The following ZP3 variants were observed in gnomAD, a reference collection of about 807,000 sequenced individuals.
The protein encoded by ZP3 is zona pellucida sperm-binding protein 3.
In ZP3, 21 loss-of-function variants were observed where a neutral mutation model predicts 35.6. The ratio of observed to expected loss-of-function variants is 0.59; its 90% CI spans 0.42 to 0.85. The LOEUF is 0.85. Ranked by LOEUF, ZP3 falls within the 40% of genes least tolerant of loss-of-function variation. ZP3 has a pLI of 0.00. For missense variants in ZP3, 437 were observed against 536.5 expected (o/e 0.81, Z 1.83); for synonymous variants, 207 against 214.5 (o/e 0.96, Z 0.31).
chr7:76,415,359 C>T (rs191321830), intron 1 of ZP3, among the ~76,000 whole-genome samples: 1,638 of 28,584 alleles, frequency 0.057, 31 homozygotes, highest in Non-Finnish European at 0.061. Context: ...AGTGAGACTC[C>T]GTCTCAAAAA....
intron 1 of ZP3, among the ~76,000 whole-genome samples, chr7:76,425,572 C>T (rs9640578): frequency 6.6e-4 from 100 of 151,868 alleles, no homozygotes; most frequent in African/African-American, 2.1e-3. Flanking sequence ...CACAGGCCTG[C>T]GTGATAGGAT....
At chr7:76,434,466 T>C (rs1805932310) in intron 5 of ZP3, among the ~76,000 whole-genome samples, 1 of 150,204 alleles carries the variant, frequency 6.7e-6, no homozygotes, top group African/African-American at 2.4e-5. Context: ...AAACCCCGAC[T>C]CTACTAAATA....
At chr7:76,411,013 A>AAAAAAAAG (rs1554623386) in intron 1 of ZP3, among the ~76,000 whole-genome samples, 82 of 131,134 alleles carry the variant, frequency 6.3e-4, no homozygotes, top group African/African-American at 2.1e-3. Flanking sequence ...AAAAAAAAAA[A>AAAAAAAAG]AAAAGAAAAG....
chr7:76,437,820 C>T (rs1312059414), intron 5 of ZP3, among the ~76,000 whole-genome samples: 37 of 152,076 alleles, frequency 2.4e-4, no homozygotes, highest in Non-Finnish European at 4.1e-4. Flanking sequence ...TCTAAAAGGC[C>T]GCTATAGGGG....
Position 76,402,326 on chromosome 7 carries a change from C to T in ZP3, c.-67+4529C>T, listed in dbSNP as rs539701513. On this transcript the variant is annotated intron_variant, in intron 1 of 8. Coordinates refer to the ZP3 transcript ENST00000336517. ...TCCCGAGTAATTGGGACTGCAGGCG[C>T]ACACCGCCACACCCAGCTAATTTTT... 1.0e-3 allele frequency among the ~76,000 whole-genome samples: 153 copies of T among 151,590 alleles called. 1 individual carries two copies. The highest frequency in any genetic ancestry group is 3.6e-3 in the African/African-American group (150 of 41,344).
At position 76,427,330 on chromosome 7, in the gene ZP3, G is replaced by A. The variant is rs140868396; in HGVS notation, c.312+2054G>A. Among the ~76,000 whole-genome samples the A allele has an allele frequency of 4.3e-3, 657 of 152,014 alleles. 7 individuals carry two copies. Among genetic ancestry groups the A allele is most frequent in the African/African-American group, 0.015 (624 of 41,476 alleles). ...AGGAGTTCAAGACCAGCCTGGCCAC[G>A]ATGGTGAAACCTCATCTCTACTAAA... On this transcript the variant is annotated intron_variant, in intron 1 of 7. Coordinates refer to ENST00000394857, the MANE Select transcript of ZP3 (RefSeq NM_001110354.2).
chr7:76,431,767 C>T (rs903018415), intron 2 of ZP3, among the ~76,000 whole-genome samples: 4 of 151,956 alleles, frequency 2.6e-5, no homozygotes, highest in East Asian at 1.9e-4. Context: ...GGCCTAGTGG[C>T]GGGTGCCTGT....
intron 1 of ZP3, among the ~76,000 whole-genome samples, chr7:76,414,414 G>A (rs1000895507): frequency 6.6e-6 from 1 of 152,154 alleles, no homozygotes; most frequent in Non-Finnish European, 1.5e-5. Context: ...AGCTGCAGGT[G>A]CCTAGGCGGT....
chr7:76,409,364 TGCACAC>T (rs1805169482), intron 1 of ZP3: 1 of 143,672 alleles, frequency 7.0e-6, no homozygotes, highest in Non-Finnish European at 1.5e-5. Flanking sequence ...CACACATGCA[TGCACAC>T]GCACACACAC....
At chr7:76,430,437 T>G (rs1044004331) in intron 2 of ZP3, among the ~76,000 whole-genome samples, 1 of 151,132 alleles carries the variant, frequency 6.6e-6, no homozygotes, top group South Asian at 2.1e-4. Flanking sequence ...AGTCTGGGAG[T>G]GGGTATAAGA....
intron 1 of ZP3, among the ~76,000 whole-genome samples, chr7:76,417,983 G>A (rs1474371677): frequency 6.7e-6 from 1 of 149,442 alleles, no homozygotes. Context: ...TGTTGCCCAG[G>A]CTGGAGTACA....
intron 1 of ZP3, among the ~76,000 whole-genome samples, chr7:76,427,949 C>T (rs1157359713): frequency 6.6e-6 from 1 of 152,034 alleles, no homozygotes; most frequent in Non-Finnish European, 1.5e-5. Flanking sequence ...GCTGGGATTA[C>T]AGGCATGAGC....
At position 76,425,255 on chromosome 7, in the gene ZP3, C is replaced by T. The variant is rs142370942; in HGVS notation, c.291C>T (p.His97=). The change falls in exon 1 of 8, where the codon CAC becomes CAT. Residue 97 remains histidine (H), a synonymous_variant. Coordinates refer to ENST00000394857, the MANE Select transcript of ZP3 (RefSeq NM_001110354.2). The stretch of plus-strand genomic sequence containing the variant: ...TGGTCAGGTTTGAGGTTGGACTCCA[C>T]GAGTGTGGCAACAGCATGCAGGTAA... ...EDVVRFEVGL[H]ECGNSMQVTD... is the part of the protein sequence containing the mutation. 248 of 1,609,170 alleles carry T rather than the reference C, an allele frequency of 1.5e-4. No homozygotes were observed. Among genetic ancestry groups the T allele is most frequent in the African/African-American group, 1.4e-3 (105 of 74,928 alleles).
intron 1 of ZP3, among the ~76,000 whole-genome samples, chr7:76,425,898 C>T (rs546429967): frequency 2.0e-5 from 3 of 152,116 alleles, no homozygotes; most frequent in African/African-American, 7.2e-5. Context: ...GCCTGGCCAA[C>T]ATGGTGAAAC....
rs200762453 is a variant in ZP3, at chr7:76,441,001, A to T, written c.1060+390A>T. Among the ~76,000 whole-genome samples the T allele has an allele frequency of 8.5e-3, 1,102 of 129,794 alleles. 1 individual carries two copies. Among genetic ancestry groups the T allele is most frequent in the Middle Eastern group, 0.013 (3 of 238 alleles). 85.1% of individuals were successfully genotyped at this position (129,794 alleles called of 152,430 possible). A position where few individuals can be genotyped will look rare whatever the true frequency, so the allele number is the denominator to read the frequency against. On this transcript the variant is annotated intron_variant, in intron 7 of 7. Coordinates refer to ENST00000394857, the MANE Select transcript of ZP3 (RefSeq NM_001110354.2). ...AGCCTGACCAACATGGAGAAACCCC[A>T]TCTCTACTAAAAATAAAAAATTAGC...
chr7:76,412,962 C>CTTTTTTTTTTTTTTTTTTTTT (rs201143080), intron 1 of ZP3, among the ~76,000 whole-genome samples: 1 of 113,760 alleles, frequency 8.8e-6, no homozygotes, highest in Non-Finnish European at 1.7e-5. Flanking sequence ...TCTTCTTCTT[C>CTTTTTTTTTTTTTTTTTTTTT]TTCTTTTTTT....
At chr7:76,437,520 T>C (rs1485080417) in intron 5 of ZP3, among the ~76,000 whole-genome samples, 2 of 150,832 alleles carry the variant, frequency 1.3e-5, no homozygotes, top group African/African-American at 2.4e-5. Flanking sequence ...AGTGTCACTC[T>C]TGTTGCCCAG....
intron 1 of ZP3, among the ~76,000 whole-genome samples, chr7:76,426,699 A>AT (rs1344646867): frequency 2.0e-5 from 3 of 151,636 alleles, no homozygotes; most frequent in Admixed American, 6.6e-5. Context: ...GATAAGTGGT[A>AT]TTTTTTTGTT....
At chr7:76,425,762 T>G (rs1805631898) in intron 1 of ZP3, among the ~76,000 whole-genome samples, 1 of 152,026 alleles carries the variant, frequency 6.6e-6, no homozygotes, top group Admixed American at 6.6e-5. Context: ...GCCAGGAGTT[T>G]GAGGCCAGCC....
Sources: gnomAD v4.1 joint callset for allele counts (sites outside exome capture counted in the v4.1 genomes callset) on GRCh38, gnomAD v4.1.1 for gene constraint, MANE v1.5 for transcripts, NCBI Gene and HGNC (gene_info 2026-07-23, HGNC 2026-07-21) for gene names.